The following THSD7B variants were observed in gnomAD, a reference collection of about 807,000 sequenced individuals.
The protein encoded by THSD7B is thrombospondin type 1 domain containing 7B.
Under a neutral mutation model 213.6 loss-of-function variants are expected in THSD7B, and 138 were observed. The observed-to-expected ratio is 0.65, with a 90% CI of 0.56 to 0.74. The LOEUF is 0.74. THSD7B is among the 30% of genes least tolerant of loss of function. The pLI is 0.00. For missense variants in THSD7B, 1,931 were observed against 1,991.5 expected (o/e 0.97, Z 0.58); for synonymous variants, 742 against 687.0 (o/e 1.08, Z -1.25).
In THSD7B at chr2:137,486,334, G is replaced by A. The variant is rs1573654645; in HGVS notation, c.3138+35311G>A. On this transcript the variant is annotated intron_variant, in intron 15 of 27. Transcript: ENST00000409968. ...AGCAAATGGAAAACAAAAAAAGGCAGGAGTTGCAATCCTAGTCTCTGATAA... is the reference window on the plus strand; with the variant it reads ...AGCAAATGGAAAACAAAAAAAGGCAAGAGTTGCAATCCTAGTCTCTGATAA... Among the ~76,000 whole-genome samples, 10 of 146,898 alleles carry A rather than the reference G, an allele frequency of 6.8e-5. No homozygotes were observed. The East Asian group carries it at 2.0e-3, about 30-fold the overall frequency.
chr2:137,221,607 C>A (rs1213771562), intron 7 of THSD7B, among the ~76,000 whole-genome samples: 1 of 152,092 alleles, frequency 6.6e-6, no homozygotes, highest in Non-Finnish European at 1.5e-5. Flanking sequence ...GAAATCTATT[C>A]TTAGGAAAGT....
At chr2:137,499,364 T>G (rs887649511) in intron 15 of THSD7B, among the ~76,000 whole-genome samples, 1 of 152,152 alleles carries the variant, frequency 6.6e-6, no homozygotes, top group African/African-American at 2.4e-5. Flanking sequence ...ATCTTGGTAC[T>G]TACAGAAAAA....
At chr2:137,490,597 C>G (rs1422749882) in intron 15 of THSD7B, among the ~76,000 whole-genome samples, 1 of 152,134 alleles carries the variant, frequency 6.6e-6, no homozygotes, top group Non-Finnish European at 1.5e-5. Flanking sequence ...TTTTTTACAG[C>G]TGGTGAAACT....
At chr2:137,297,282 C>A (rs918471607) in intron 12 of THSD7B, among the ~76,000 whole-genome samples, 5 of 147,912 alleles carry the variant, frequency 3.4e-5, no homozygotes, top group Admixed American at 2.0e-4. Flanking sequence ...AGACTCTGTT[C>A]CTAAAAAAAA....
At chr2:137,548,309 C>A (rs1371606656) in intron 15 of THSD7B, among the ~76,000 whole-genome samples, 1 of 151,976 alleles carries the variant, frequency 6.6e-6, no homozygotes. Flanking sequence ...GATGTTTCAA[C>A]TGTCTCTTTC....
At chr2:137,266,298 G>T (rs948455155) in intron 10 of THSD7B, among the ~76,000 whole-genome samples, 1 of 152,140 alleles carries the variant, frequency 6.6e-6, no homozygotes, top group Non-Finnish European at 1.5e-5. Context: ...GCTTAGCAAG[G>T]TCAAACAAAT....
chr2:137,174,882 C>T (rs538440317), intron 7 of THSD7B, among the ~76,000 whole-genome samples: 129 of 152,284 alleles, frequency 8.5e-4, no homozygotes, highest in Admixed American at 2.2e-3. Context: ...CAAAGTAGCA[C>T]TTGAAATGTA....
intron 3 of THSD7B, among the ~76,000 whole-genome samples, chr2:137,069,799 G>A (rs1687446622): frequency 6.6e-6 from 1 of 151,304 alleles, no homozygotes; most frequent in Non-Finnish European, 1.5e-5. Context: ...TTTGAAAGTA[G>A]TAGAAATGTA....
chr2:136,965,416 G>A (rs1685297074), intron 2 of THSD7B, among the ~76,000 whole-genome samples: 1 of 152,206 alleles, frequency 6.6e-6, no homozygotes, highest in African/African-American at 2.4e-5. Flanking sequence ...TAGAGGATCA[G>A]AGAAGTCCTC....
intron 5 of THSD7B, among the ~76,000 whole-genome samples, chr2:137,134,033 A>T (rs1688787187): frequency 6.6e-6 from 1 of 152,214 alleles, no homozygotes; most frequent in South Asian, 2.1e-4. Flanking sequence ...TTGAGTATTC[A>T]CTTTGTGCAT....
At chr2:137,260,972 A>G (rs994143351) in intron 10 of THSD7B, among the ~76,000 whole-genome samples, 2 of 151,834 alleles carry the variant, frequency 1.3e-5, no homozygotes, top group Admixed American at 1.3e-4. Context: ...ATTTTATTTT[A>G]TTTTTATTTG....
intron 1 of THSD7B, among the ~76,000 whole-genome samples, chr2:136,807,820 G>A (rs1347028249): frequency 6.6e-6 from 1 of 152,044 alleles, no homozygotes; most frequent in African/African-American, 2.4e-5. Flanking sequence ...AATGTTTCTA[G>A]CTAATCTTGT....
intron 14 of THSD7B, among the ~76,000 whole-genome samples, chr2:137,434,656 A>G (rs1687255818): frequency 6.6e-6 from 1 of 152,196 alleles, no homozygotes; most frequent in Admixed American, 6.5e-5. Context: ...CAGATTTCCC[A>G]CACTGAGTCT....
chr2:137,319,693 G>C (rs554701249), intron 12 of THSD7B, among the ~76,000 whole-genome samples: 9 of 152,146 alleles, frequency 5.9e-5, no homozygotes, highest in Non-Finnish European at 5.9e-5. Flanking sequence ...ACTGTGGGTG[G>C]AGGTTTCTAG....
intron 15 of THSD7B, among the ~76,000 whole-genome samples, chr2:137,484,039 C>CT (rs1168278834): frequency 6.6e-6 from 1 of 151,494 alleles, no homozygotes. Flanking sequence ...TATTATTATA[C>CT]TTTAAGTTTT....
intron 14 of THSD7B, among the ~76,000 whole-genome samples, chr2:137,416,721 G>A (rs1457247925): frequency 1.3e-5 from 2 of 152,222 alleles, no homozygotes; most frequent in Non-Finnish European, 2.9e-5. Flanking sequence ...AGCCCCTTGG[G>A]TAGAACAGCT....
intron 3 of THSD7B, among the ~76,000 whole-genome samples, chr2:137,067,377 G>A (rs1193178472): frequency 1.3e-5 from 2 of 151,934 alleles, no homozygotes; most frequent in Non-Finnish European, 2.9e-5. Flanking sequence ...GGTGTCAGGG[G>A]CAAAAAATCT....
intron 2 of THSD7B, among the ~76,000 whole-genome samples, chr2:136,954,838 A>G (rs545051): frequency 0.41 from 61,814 of 151,690 alleles, 14,788 homozygotes; most frequent in Non-Finnish European, 0.55. Context: ...TTCAGCCTTC[A>G]GTGTCTCTAT....
chr2:137,277,820 AGT>A (rs1682907100), intron 12 of THSD7B, among the ~76,000 whole-genome samples: 2 of 152,102 alleles, frequency 1.3e-5, no homozygotes, highest in Admixed American at 1.3e-4. Context: ...AGTGTGCAAG[AGT>A]GTGTGTGTAT....
Sources: gnomAD v4.1 joint callset for allele counts (sites outside exome capture counted in the v4.1 genomes callset) on GRCh38, gnomAD v4.1.1 for gene constraint, MANE v1.5 for transcripts, NCBI Gene and HGNC (gene_info 2026-07-23, HGNC 2026-07-21) for gene names.